The following HSDL2 variants were observed in gnomAD, a reference collection of about 807,000 sequenced individuals.
HSDL2 encodes hydroxysteroid dehydrogenase-like protein 2.
A neutral mutation model predicts 46.3 loss-of-function variants in HSDL2; 27 were observed. The ratio of observed to expected loss-of-function variants is 0.58; its 90% CI spans 0.43 to 0.80. HSDL2 has a LOEUF of 0.80. Ranked by LOEUF, HSDL2 falls within the 30% of genes least tolerant of loss-of-function variation. The probability of loss-of-function intolerance (pLI) is 0.00; values close to 1 mark genes in which losing one functional copy is unlikely to be tolerated. For synonymous variants in HSDL2, 153 were observed against 163.6 expected, an observed-to-expected ratio of 0.94 and a Z score of 0.50; for missense variants, 451 against 502.7, an observed-to-expected ratio of 0.90 and a Z score of 0.98.
At position 112,418,949 on chromosome 9, in the gene HSDL2, C is replaced by T. The variant is rs1203986201; in HGVS notation, c.589C>T (p.Pro197Ser). The change falls in exon 6 of 11, where the codon CCT (proline) becomes TCT (serine). Residue 197 changes from proline to serine, a missense_variant. Pro to Ser is a moderately conservative substitution (Grantham distance 74). Transcript: ENST00000398805. Reference sequence around the variant, plus strand: ...TGAAATTGCAGTCAATGCATTATGGCCTAAAACAGGTATGTATTTTTAAAA... The same window carrying T: ...TGAAATTGCAGTCAATGCATTATGGTCTAAAACAGGTATGTATTTTTAAAA... ...KGEIAVNALW[P>S]KTAIHTAAMD... 4 of 1,567,218 alleles carry T rather than the reference C, an allele frequency of 2.6e-6. No homozygotes were observed. Among genetic ancestry groups the T allele is most frequent in the Non-Finnish European group, 3.5e-6 (4 of 1,140,644 alleles).
intron 10 of HSDL2, among the ~76,000 whole-genome samples, chr9:112,460,164 A>T (rs1422537634): frequency 6.6e-6 from 1 of 152,196 alleles, no homozygotes; most frequent in Non-Finnish European, 1.5e-5. Flanking sequence ...AAGTTAATTA[A>T]CTCAAATTCT....
rs111459650 is a variant in HSDL2 at position 112,381,088 on chromosome 9, T to TACACACACACACACACACACACACAC, written c.17+912_17+937dup. Among the ~76,000 whole-genome samples the TACACACACACACACACACACACACAC allele has an allele frequency of 1.1e-3, 151 of 134,244 alleles. 1 individual carries two copies. The Middle Eastern group carries it at 0.012, about 10-fold the overall frequency. 88.1% of individuals were successfully genotyped at this position (134,244 alleles called of 152,430 possible). A position where few individuals can be genotyped will look rare whatever the true frequency, so the allele number is the denominator to read the frequency against. ...TGAACATAATTTGTATACATCCGGA[T>TACACACACACACACACACACACACAC]ACACACACACACACACACACACACA... On this transcript the variant is annotated intron_variant, in intron 1 of 10. Transcript: ENST00000398805.
At chr9:112,393,856 G>C (rs923821187) in intron 1 of HSDL2, among the ~76,000 whole-genome samples, 8 of 152,172 alleles carry the variant, frequency 5.3e-5, no homozygotes, top group Non-Finnish European at 1.0e-4. Flanking sequence ...TCCAAATTTT[G>C]ATATTTCCCA....
In HSDL2 at chr9:112,459,350, A is replaced by G. The variant is rs183628615; in HGVS notation, c.1016-99A>G. On this transcript the variant is annotated intron_variant, in intron 9 of 10. Transcript: ENST00000398805. ...TGGAGGTCTGGGGATTTTAACTTGG[A>G]AAACAGCATTTTGTAAGATTATTCT... 5,229 of 1,362,680 alleles carry G rather than the reference A, an allele frequency of 3.8e-3. 14 individuals are homozygous for G. Among genetic ancestry groups the G allele is most frequent in the Non-Finnish European group, 4.3e-3 (4,233 of 988,542 alleles). The allele number at this position is 1,362,680 out of a possible 1,614,324, so 84.4% of individuals were successfully genotyped here.
rs1833570706 is a variant in HSDL2 at position 112,471,380 on chromosome 9, C to G, written c.*836C>G. ...CTTAAGTTCAAAGGAGGCTGTTAGTCTAATCCAACATGGTGTCCTTTGGAC... is the reference window on the plus strand; with the variant it reads ...CTTAAGTTCAAAGGAGGCTGTTAGTGTAATCCAACATGGTGTCCTTTGGAC... On this transcript the variant is annotated 3_prime_UTR_variant, in exon 11 of 11. Transcript: ENST00000398805. 6.6e-6 allele frequency: 1 copy of G among 152,162 alleles called. No homozygotes were observed. The highest frequency in any genetic ancestry group is 2.4e-5 in the African/African-American group (1 of 41,428). The allele number at this position is 152,162 out of a possible 1,614,324, so 9.4% of individuals were successfully genotyped here. A position where few individuals can be genotyped will look rare whatever the true frequency, so the allele number is the denominator to read the frequency against.
intron 1 of HSDL2, among the ~76,000 whole-genome samples, chr9:112,394,317 G>A (rs114366554): frequency 1.3e-5 from 2 of 149,722 alleles, no homozygotes; most frequent in Admixed American, 6.6e-5. Context: ...GGGTGGGCGG[G>A]TAATGCCCTT....
At chr9:112,458,321 T>C (rs1231183953) in intron 9 of HSDL2, among the ~76,000 whole-genome samples, 1 of 119,572 alleles carries the variant, frequency 8.4e-6, no homozygotes, top group Admixed American at 8.2e-5. Flanking sequence ...CCACTTCTTC[T>C]TTTTTTTTTT....
chr9:112,431,167 G>A (rs961661427), intron 6 of HSDL2, among the ~76,000 whole-genome samples: 7 of 152,092 alleles, frequency 4.6e-5, no homozygotes, highest in Non-Finnish European at 7.4e-5. Context: ...CAGATGGAGG[G>A]CAAGCTTAGG....
chr9:112,435,882 G>C (rs1221949723), intron 6 of HSDL2, among the ~76,000 whole-genome samples: 3 of 151,836 alleles, frequency 2.0e-5, no homozygotes, highest in African/African-American at 7.3e-5. Flanking sequence ...ATAGGCTCTA[G>C]CCACAACATT....
At chr9:112,454,510 T>G (rs769353116) in intron 9 of HSDL2, among the ~76,000 whole-genome samples, 69 of 151,970 alleles carry the variant, frequency 4.5e-4, no homozygotes, top group Non-Finnish European at 8.7e-4. Flanking sequence ...AAGTAAAATT[T>G]TATTACAAAT....
At position 112,414,957 on chromosome 9, in the gene HSDL2, G is replaced by GAA. The variant is rs11405249; in HGVS notation, c.396-1875_396-1874dup. On this transcript the variant is annotated intron_variant, in intron 4 of 10. Transcript: ENST00000398805. Reference sequence around the variant, plus strand: ...TTCACAGCTCCTGGTTCAGGGTAAAGAAAAAAAAAAGAATGGACAAGTTCA... The same window carrying GAA: ...TTCACAGCTCCTGGTTCAGGGTAAAGAAAAAAAAAAAAGAATGGACAAGTTCA... Among the ~76,000 whole-genome samples, 584 of 148,384 alleles carry GAA rather than the reference G, an allele frequency of 3.9e-3. 6 individuals are homozygous for GAA. The highest frequency in any genetic ancestry group is 0.013 in the African/African-American group (544 of 40,488).
At chr9:112,460,537 C>T (rs147670465) in intron 10 of HSDL2, among the ~76,000 whole-genome samples, 1 of 152,132 alleles carries the variant, frequency 6.6e-6, no homozygotes. Flanking sequence ...TCACTTGCGC[C>T]CAGGAGTTTG....
At chr9:112,405,895 T>C (rs927426437) in intron 3 of HSDL2, among the ~76,000 whole-genome samples, 173 bp downstream of exon 3, 11 of 152,176 alleles carry the variant, frequency 7.2e-5, no homozygotes, top group African/African-American at 2.7e-4. Flanking sequence ...GCGTGGTGGC[T>C]CACACCTGTA....
At chr9:112,384,893 A>G (rs539986536) in intron 1 of HSDL2, among the ~76,000 whole-genome samples, 15 of 152,054 alleles carry the variant, frequency 9.9e-5, no homozygotes, top group African/African-American at 2.9e-4. Flanking sequence ...CTGCATCGAA[A>G]GAAAAACAGG....
At chr9:112,390,485 C>T (rs1361327208) in intron 1 of HSDL2, among the ~76,000 whole-genome samples, 8 of 152,266 alleles carry the variant, frequency 5.3e-5, no homozygotes, top group East Asian at 3.9e-4. Flanking sequence ...GACAGGGTCT[C>T]GCTCTGTCAC....
intron 1 of HSDL2, among the ~76,000 whole-genome samples, chr9:112,394,352 C>G (rs371531202): frequency 6.6e-6 from 1 of 152,094 alleles, no homozygotes; most frequent in South Asian, 2.1e-4. Context: ...AGGGAAAGAA[C>G]GAGCTGAACT....
At chr9:112,431,972 C>T (rs1195319409) in intron 6 of HSDL2, among the ~76,000 whole-genome samples, 2 of 151,522 alleles carry the variant, frequency 1.3e-5, no homozygotes, top group African/African-American at 4.9e-5. Flanking sequence ...CTCCGCCTCC[C>T]AGGTTCAAGC....
chr9:112,389,474 A>G (rs1831291693), intron 1 of HSDL2, among the ~76,000 whole-genome samples: 1 of 152,198 alleles, frequency 6.6e-6, no homozygotes, highest in Non-Finnish European at 1.5e-5. Context: ...TTTTTGTACT[A>G]TTATTCTTGC....
chr9:112,422,145 T>C (rs530555993), intron 6 of HSDL2, among the ~76,000 whole-genome samples: 9 of 152,268 alleles, frequency 5.9e-5, no homozygotes, highest in Non-Finnish European at 1.2e-4. Context: ...ATATGATAAC[T>C]TACTACTGCT....
Sources: gnomAD v4.1 joint callset for allele counts (sites outside exome capture counted in the v4.1 genomes callset) on GRCh38, gnomAD v4.1.1 for gene constraint, MANE v1.5 for transcripts, NCBI Gene and HGNC (gene_info 2026-07-23, HGNC 2026-07-21) for gene names.